TJP1: variants seen among roughly 807,000 people sequenced by gnomAD.
TJP1 encodes the protein tight junction protein 1, also known as tight junction protein ZO-1.
TJP1 carries 43 observed loss-of-function variants against 194.2 expected under a neutral mutation model. The observed-to-expected ratio is 0.22, with a 90% CI of 0.17 to 0.29. TJP1 has a LOEUF of 0.29. Ranked by LOEUF, TJP1 falls within the 10% of genes least tolerant of loss-of-function variation. The pLI, the probability that TJP1 is intolerant of heterozygous loss-of-function variation, is 1.00. For synonymous variants in TJP1, 801 were observed against 779.0 expected (o/e 1.03, Z -0.47); for missense variants, 1,971 against 2,185.7 (o/e 0.90, Z 1.96).
rs762157908 is a variant in TJP1 at position 29,762,449 on chromosome 15, G to A, written c.590-11C>T. 6.2e-7 allele frequency: 1 copy of A among 1,601,566 alleles called. No homozygotes were observed. Among genetic ancestry groups the A allele is most frequent in the Non-Finnish European group, 8.5e-7 (1 of 1,170,982 alleles). On this transcript the variant is annotated splice_polypyrimidine_tract_variant and intron_variant, in intron 5 of 27. Transcript: ENST00000614355. The stretch of plus-strand genomic sequence containing the variant: ...ATCGAAGACCATATTCTGAAATAAT[G>A]TAAGTAAGTGTTTTTAGTATAACAT...
intron 2 of TJP1, among the ~76,000 whole-genome samples, chr15:29,949,244 T>TCCA (rs1567224161): frequency 2.4e-4 from 10 of 41,668 alleles, no homozygotes; most frequent in South Asian, 1.9e-3. Context: ...TACCTCCACC[T>TCCA]TCACCACCAC....
chr15:29,704,037 G>A, intron 27 of TJP1, 125 bp downstream of exon 27: 1 of 942,288 alleles, frequency 1.1e-6, no homozygotes, highest in Non-Finnish European at 1.5e-6. Context: ...CACTGGTGAT[G>A]CCTACAAGGC....
intron 2 of TJP1, among the ~76,000 whole-genome samples, chr15:29,885,801 G>A (rs2053096614): frequency 6.6e-6 from 1 of 152,138 alleles, no homozygotes. Flanking sequence ...AACATATGAT[G>A]TTTTATCTGT....
chr15:29,946,391 C>A lies in TJP1; in HGVS notation c.306+9841G>T, dbSNP rs1040661094. On this transcript the variant is annotated intron_variant, in intron 2 of 28. Transcript: ENST00000356107. ...ACTGGTGTAATCTTGAAACATCTCA[C>A]CACAAAATACTAATGAATTACCAAG... is the stretch of plus-strand genomic sequence containing the variant. Among the ~76,000 whole-genome samples, 3 of 152,196 alleles carry A rather than the reference C, an allele frequency of 2.0e-5. No homozygotes were observed. In the East Asian group the frequency reaches 5.8e-4, roughly 29 times the overall value.
At chr15:29,731,134 G>A (rs924183142) in intron 15 of TJP1, 15 of 594,472 alleles carry the variant, frequency 2.5e-5, no homozygotes, top group Middle Eastern at 4.5e-4. Flanking sequence ...CTTCATTGTT[G>A]TTTTTGGGGG....
chr15:29,950,134 CACCACCACA>C (rs1379208273), intron 2 of TJP1, among the ~76,000 whole-genome samples: 1 of 70,492 alleles, frequency 1.4e-5, no homozygotes, highest in Non-Finnish European at 3.4e-5. Context: ...CCACCTCCAC[CACCACCACA>C]ACCACCACCT....
chr15:29,864,237 CAAAAAAAAAA>C (rs397975539), intron 2 of TJP1, among the ~76,000 whole-genome samples: 6 of 18,934 alleles, frequency 3.2e-4, no homozygotes, highest in African/African-American at 6.0e-4. Context: ...ACTAAAAATA[CAAAAAAAAAA>C]AAAAAAAAAA....
chr15:29,961,537 C>G (rs1196050984), intron 1 of TJP1, among the ~76,000 whole-genome samples: 3 of 152,064 alleles, frequency 2.0e-5, no homozygotes, highest in Non-Finnish European at 4.4e-5. Context: ...GAGAAAACTT[C>G]TGCCTCTCTC....
intron 2 of TJP1, among the ~76,000 whole-genome samples, chr15:29,864,110 C>G (rs1207122709): frequency 1.3e-5 from 2 of 151,488 alleles, no homozygotes; most frequent in Non-Finnish European, 2.9e-5. Flanking sequence ...AAAGTTGTAC[C>G]CGGCCGGGCG....
At chr15:29,909,156 CAAA>C (rs1228556468) in intron 2 of TJP1, among the ~76,000 whole-genome samples, 1 of 84,022 alleles carries the variant, frequency 1.2e-5, no homozygotes. Context: ...GACTCCATCT[CAAA>C]AAAAAAAAAA....
intron 1 of TJP1, 148 bp from the exon 2 acceptor site, chr15:29,800,850 GGAAA>G (rs2048736760): frequency 1.4e-6 from 1 of 727,296 alleles, no homozygotes; most frequent in East Asian, 2.9e-5. Context: ...TAATAATTAT[GGAAA>G]GTTTTTTGTT....
chr15:29,732,839 A>G, intron 13 of TJP1, 24 bp from the exon 14 acceptor site: 2 of 1,552,642 alleles, frequency 1.3e-6, no homozygotes, highest in African/African-American at 2.8e-5. Context: ...GAGAAAATTA[A>G]AATAAGGGCA....
At chr15:29,706,254 T>C (rs2041891477) in intron 25 of TJP1, among the ~76,000 whole-genome samples, 1 of 152,126 alleles carries the variant, frequency 6.6e-6, no homozygotes, top group Admixed American at 6.5e-5. Flanking sequence ...TCTAGAGAAA[T>C]TCCATTCTAG....
intron 2 of TJP1, among the ~76,000 whole-genome samples, chr15:29,794,992 C>T (rs1431037852): frequency 6.6e-6 from 1 of 151,958 alleles, no homozygotes. Flanking sequence ...AAATAAGACA[C>T]AAATTACCAA....
At chr15:29,714,206 C>T (rs2042409938) in intron 23 of TJP1, among the ~76,000 whole-genome samples, 1 of 152,136 alleles carries the variant, frequency 6.6e-6, no homozygotes, top group Admixed American at 6.6e-5. Context: ...TTGATTGATT[C>T]CCTGGCAAAA....
intron 1 of TJP1, among the ~76,000 whole-genome samples, chr15:29,818,888 G>A (rs2050128793): frequency 6.6e-6 from 1 of 151,974 alleles, no homozygotes; most frequent in African/African-American, 2.4e-5. Flanking sequence ...CCCGATCTCA[G>A]CTCAATGCAA....
chr15:29,930,214 T>A lies in TJP1; in HGVS notation c.306+26018A>T, dbSNP rs1298981135. ...CTCTATTTACACAGACTATTACAGA[T>A]GACAGAAAAAGAAATTATTCCCAAC... On this transcript the variant is annotated intron_variant, in intron 2 of 28. Transcript: ENST00000356107. Among the ~76,000 whole-genome samples, 7 of 152,072 alleles carry A rather than the reference T, an allele frequency of 4.6e-5. 1 individual carries two copies. Among genetic ancestry groups the A allele is most frequent in the Admixed American group, 4.6e-4 (7 of 15,276 alleles).
intron 2 of TJP1, among the ~76,000 whole-genome samples, chr15:29,931,706 A>T (rs566289357): frequency 6.6e-6 from 1 of 152,274 alleles, no homozygotes; most frequent in South Asian, 2.1e-4. Context: ...CCCGATCCAG[A>T]CCCCAAGAGA....
chr15:29,900,133 T>C (rs60806837), intron 2 of TJP1, among the ~76,000 whole-genome samples: 2,289 of 151,888 alleles, frequency 0.015, 57 homozygotes, highest in African/African-American at 0.053. Context: ...AGACTGGAAG[T>C]AGTGAGTGAG....
Sources: allele counts gnomAD v4.1 joint callset (sites outside exome capture counted in the v4.1 genomes callset), GRCh38; gene constraint gnomAD v4.1.1; transcripts MANE v1.5; gene names NCBI Gene and HGNC (gene_info 2026-07-23, HGNC 2026-07-21).